Variants in COG3 observed in about 807,000 individuals in gnomAD.
The protein encoded by COG3 is component of oligomeric golgi complex 3.
Under a neutral mutation model 114.1 loss-of-function variants are expected in COG3, and 32 were observed. That is an observed-to-expected ratio of 0.28 (90% CI 0.21 to 0.38). The LOEUF (loss-of-function observed/expected upper bound fraction) is 0.38, where lower values mean the gene tolerates loss of function less well. Among genes scored for constraint, COG3 ranks in the 10% least tolerant of loss-of-function variants. The pLI is 1.00. For synonymous variants in COG3, 352 were observed against 365.7 expected (o/e 0.96, Z 0.43); for missense variants, 813 against 973.2 (o/e 0.84, Z 2.19).
At chr13:45,473,608 TTGC>T (rs1236078948) in intron 1 of COG3, among the ~76,000 whole-genome samples, 1 of 152,222 alleles carries the variant, frequency 6.6e-6, no homozygotes, top group African/African-American at 2.4e-5. Context: ...ACTTACTCTG[TTGC>T]TGCTATTAGA....
chr13:45,470,239 G>A (rs1593669090), intron 1 of COG3, among the ~76,000 whole-genome samples: 3 of 152,248 alleles, frequency 2.0e-5, no homozygotes, highest in Admixed American at 2.0e-4. Context: ...TCTTAGAAAA[G>A]ATACTTAAGA....
intron 14 of COG3, among the ~76,000 whole-genome samples, chr13:45,509,189 G>A (rs942337040): frequency 3.9e-5 from 6 of 151,972 alleles, no homozygotes; most frequent in East Asian, 1.9e-4. Flanking sequence ...ACAGGCACAC[G>A]CCACCACGCC....
At chr13:45,485,047 A>G (rs1333883076) in intron 7 of COG3, among the ~76,000 whole-genome samples, 22 of 131,942 alleles carry the variant, frequency 1.7e-4, no homozygotes, top group African/African-American at 6.0e-4. Context: ...TCTTTTCCCC[A>G]CCTTTCCCGC....
intron 14 of COG3, among the ~76,000 whole-genome samples, 175 bp from the exon 15 acceptor site, chr13:45,509,517 G>A (rs1870620591): frequency 6.6e-6 from 1 of 152,198 alleles, no homozygotes; most frequent in African/African-American, 2.4e-5. Context: ...AATCTCACCT[G>A]TCACTGATTT....
In COG3 at chr13:45,517,554, G is replaced by C. The variant is rs149579995; in HGVS notation, c.1931-1208G>C. ...TGGAAGTGGCACACCATGTGTTTTT[G>C]TTTTGGTTTGGTTTTTAAATAGGAG... On this transcript the variant is annotated intron_variant, in intron 17 of 22. Transcript: ENST00000349995. Among the ~76,000 whole-genome samples, 714 of 152,146 alleles carry C rather than the reference G, an allele frequency of 4.7e-3. 6 individuals are homozygous for C. The highest frequency in any genetic ancestry group is 0.02 in the Middle Eastern group (6 of 294).
intron 22 of COG3, chr13:45,531,117 A>T (rs1175536306): frequency 1.0e-6 from 1 of 971,472 alleles, no homozygotes; most frequent in African/African-American, 1.8e-5. Context: ...TAAGAGAAAT[A>T]CATTTTTTAA....
Position 45,509,806 on chromosome 13 carries a change from G to A in COG3, c.1709G>A (p.Arg570Lys), listed in dbSNP as rs1566263655. ...CTTGTCTGTCTCTCCAAATTATACAGATGCATAGATGTACGTGTATCTTTA... is the reference window on the plus strand; with the variant it reads ...CTTGTCTGTCTCTCCAAATTATACAAATGCATAGATGTACGTGTATCTTTA... ...RTLVCLSKLY[R>K]CIDRAVFQGL... Residue 570 changes from arginine to lysine, a missense_variant, in exon 15 of 23, where the codon AGA becomes AAA. Physicochemically the swap from Arg to Lys is conservative, Grantham distance 26. Around this residue, in one of 2 missense-constraint regions of COG3, gnomAD observed 389 missense variants for 542.6 expected, o/e 0.72. Transcript: ENST00000349995. 5 of 1,611,252 alleles carry A rather than the reference G, an allele frequency of 3.1e-6. No individual in the cohort carries two copies. The highest frequency in any genetic ancestry group is 2.2e-5 in the South Asian group (2 of 90,742).
intron 8 of COG3, among the ~76,000 whole-genome samples, chr13:45,487,445 G>A (rs1886737847): frequency 6.6e-6 from 1 of 152,220 alleles, no homozygotes; most frequent in East Asian, 1.9e-4. Flanking sequence ...AATTACCAGA[G>A]TGAAGAGACA....
rs140138180 is a variant in COG3, at chr13:45,514,903, C to T, written c.1810-1240C>T. Among the ~76,000 whole-genome samples, 707 of 152,254 alleles carry T rather than the reference C, an allele frequency of 4.6e-3. 7 individuals carry two copies. Among genetic ancestry groups the T allele is most frequent in the African/African-American group, 0.016 (668 of 41,552 alleles). Reference sequence around the variant, plus strand: ...TACCTCGTGATCCGACTGTCTCGGCCTCCCAAAGTGCTGGGATCACAGGCG... The same window carrying T: ...TACCTCGTGATCCGACTGTCTCGGCTTCCCAAAGTGCTGGGATCACAGGCG... On this transcript the variant is annotated intron_variant, in intron 16 of 22. Coordinates refer to ENST00000349995, the MANE Select transcript of COG3 (RefSeq NM_031431.4).
intron 12 of COG3, among the ~76,000 whole-genome samples, chr13:45,495,147 T>C (rs1251635431): frequency 2.5e-4 from 1 of 4,020 alleles, no homozygotes; most frequent in Non-Finnish European, 6.7e-4. Context: ...CCTGGCCTCT[T>C]TTTTTTTTTT....
chr13:45,534,828 C>T lies in COG3; in HGVS notation c.*97C>T, dbSNP rs545668015. 3.0e-5 allele frequency: 42 copies of T among 1,403,596 alleles called. No homozygotes were observed. The African/African-American group carries it at 4.6e-4, about 15-fold the overall frequency. The allele number at this position is 1,403,596 out of a possible 1,614,324, so 86.9% of individuals were successfully genotyped here. On this transcript the variant is annotated 3_prime_UTR_variant, in exon 23 of 23. Coordinates refer to ENST00000349995, the MANE Select transcript of COG3 (RefSeq NM_031431.4). ...GACACCGAGGAATCGTATGTGGGAA[C>T]GTCCCCGAGAACCACACGAGCGTGC...
At chr13:45,486,460 A>T in intron 7 of COG3, 35 bp from the exon 8 acceptor site, 8 of 1,298,494 alleles carry the variant, frequency 6.2e-6, no homozygotes, top group Non-Finnish European at 7.8e-6. Context: ...TTTGCTAATT[A>T]TCTTCCTTCC....
At position 45,487,960 on chromosome 13, in the gene COG3, G is replaced by T. The variant is rs142819278; in HGVS notation, c.924+1385G>T. On this transcript the variant is annotated intron_variant, in intron 8 of 22. Coordinates refer to ENST00000349995, the MANE Select transcript of COG3 (RefSeq NM_031431.4). ...TTGCAGCACTATTCGCAATAGTAAA[G>T]ATATGGAATCAACCTAAGTGTCAAT... is the stretch of plus-strand genomic sequence containing the variant. Among the ~76,000 whole-genome samples, 4 of 152,252 alleles carry T rather than the reference G, an allele frequency of 2.6e-5. No individual in the cohort carries two copies. In the East Asian group the frequency reaches 5.8e-4, roughly 22 times the overall value.
Position 45,510,419 on chromosome 13 carries a change from G to A in COG3, c.1719+603G>A, listed in dbSNP as rs145374022. On this transcript the variant is annotated intron_variant, in intron 15 of 22. Coordinates refer to ENST00000349995, the MANE Select transcript of COG3 (RefSeq NM_031431.4). ...TTAGATGTCTCAGCCTTTTTGCCCA[G>A]CTGATGAGATCTCTTCCAGAGAGAG... is the stretch of plus-strand genomic sequence containing the variant. 2.8e-3 allele frequency among the ~76,000 whole-genome samples: 420 copies of A among 152,280 alleles called. 6 individuals are homozygous for A. The highest frequency in any genetic ancestry group is 9.4e-3 in the African/African-American group (391 of 41,566).
At position 45,524,983 on chromosome 13, in the gene COG3, C is replaced by T. The variant is rs142678425; in HGVS notation, c.2162C>T (p.Ala721Val). The change falls in exon 20 of 23, where the codon GCG becomes GTG. Residue 721 changes from alanine to valine, a missense_variant. This residue lies in a region of COG3 where 389 missense variants were observed against 542.6 expected (regional missense o/e 0.72). Transcript: ENST00000349995. Reference protein sequence around the residue: ...QLEEFMTKVSALKTMASQGGP... With the variant: ...QLEEFMTKVSVLKTMASQGGP... ...TTTTGTCTCCTCTATTAGGTTTCAG[C>T]GTTAAAAACAATGGCCAGTCAGGGA... is the stretch of plus-strand genomic sequence containing the variant. 267 of 1,613,196 alleles carry T rather than the reference C, an allele frequency of 1.7e-4. No individual in the cohort carries two copies. The African/African-American group carries it at 2.9e-3, about 17-fold the overall frequency.
chr13:45,512,253 G>T (rs1451102093), intron 16 of COG3, among the ~76,000 whole-genome samples: 1 of 152,222 alleles, frequency 6.6e-6, no homozygotes, highest in East Asian at 1.9e-4. Context: ...GAGGAAATGA[G>T]TCAGTCAATT....
chr13:45,478,716 C>T (rs1190257460), intron 2 of COG3, among the ~76,000 whole-genome samples: 5 of 152,124 alleles, frequency 3.3e-5, no homozygotes, highest in African/African-American at 7.2e-5. Context: ...CTCGAACTCC[C>T]GACCTCAGGT....
chr13:45,490,248 G>A (rs1304453227), intron 8 of COG3, among the ~76,000 whole-genome samples: 1 of 152,140 alleles, frequency 6.6e-6, no homozygotes, highest in East Asian at 1.9e-4. Context: ...TAGAAGAATA[G>A]ACCAAAAACC....
chr13:45,503,520 A>G (rs892583091), intron 14 of COG3, among the ~76,000 whole-genome samples, 171 bp downstream of exon 14: 21 of 152,132 alleles, frequency 1.4e-4, no homozygotes, highest in African/African-American at 4.3e-4. Context: ...GTGAGATGCT[A>G]ATGGTTTGCA....
Sources: allele counts gnomAD v4.1 joint callset (sites outside exome capture counted in the v4.1 genomes callset), GRCh38; gene constraint gnomAD v4.1.1; regional missense constraint gnomAD v4.1.1; transcripts MANE v1.5; gene names NCBI Gene and HGNC (gene_info 2026-07-23, HGNC 2026-07-21).